COX7A2L: variants seen among roughly 807,000 people sequenced by gnomAD.
COX7A2L encodes cytochrome c oxidase subunit 7A2 like, also known as cytochrome c oxidase subunit 7A2-like, mitochondrial.
Under a neutral mutation model 14.2 loss-of-function variants are expected in COX7A2L, and 18 were observed. The observed-to-expected ratio is 1.27, with a 90% confidence interval of 0.88 to 1.88. The LOEUF (loss-of-function observed/expected upper bound fraction) is 1.88, where lower values mean the gene tolerates loss of function less well. COX7A2L is among the 40% of genes most tolerant of loss of function. The probability of loss-of-function intolerance (pLI) is 0.00; values close to 1 mark genes in which losing one functional copy is unlikely to be tolerated. For missense variants in COX7A2L, 179 were observed against 138.8 expected (o/e 1.29, Z -1.46); for synonymous variants, 65 against 57.4 (o/e 1.13, Z -0.60).
downstream of COX7A2L, among the ~76,000 whole-genome samples, chr2:42,348,333 T>C (rs1670537675): frequency 2.0e-5 from 3 of 152,102 alleles, no homozygotes; most frequent in Admixed American, 1.3e-4. Flanking sequence ...AGGCTACTTA[T>C]TAACTGCAAA....
chr2:42,351,750 G>A (rs570086787), intron 2 of COX7A2L, among the ~76,000 whole-genome samples: 1 of 152,374 alleles, frequency 6.6e-6, no homozygotes, highest in South Asian at 2.1e-4. Context: ...GAGACAGGCA[G>A]ATGGCTTGAG....
At chr2:42,348,009 A>G (rs1670532015), downstream of COX7A2L, among the ~76,000 whole-genome samples, 1 of 152,252 alleles carries the variant, frequency 6.6e-6, no homozygotes, top group African/African-American at 2.4e-5. Flanking sequence ...CAAGGTCAGC[A>G]TGGAAGCCAT....
rs187715857 is a variant in COX7A2L, at chr2:42,342,176, G to T, written c.193-8307C>A. Among the ~76,000 whole-genome samples the T allele has an allele frequency of 7.9e-5, 12 of 152,236 alleles. No individual in the cohort carries two copies. The East Asian group carries it at 1.9e-3, about 25-fold the overall frequency. On this transcript the variant is annotated intron_variant, in intron 2 of 2. Transcript: ENST00000468711. This position sits in a 1 kb window ranked among gnomAD's most constrained non-coding sequence, Gnocchi z 4.9. Reference sequence around the variant, plus strand: ...GCAACCACGCTGCCTCCATGCTTGAGCTCAGGGCTCCACACTCACAACTGA... The same window carrying T: ...GCAACCACGCTGCCTCCATGCTTGATCTCAGGGCTCCACACTCACAACTGA...
chr2:42,347,828 G>C (rs1558629148), downstream of COX7A2L, among the ~76,000 whole-genome samples: 1 of 152,188 alleles, frequency 6.6e-6, no homozygotes. Context: ...GGCTGAGGCA[G>C]GAGAACTGCT....
rs1670329200 is a variant in COX7A2L at position 42,338,360 on chromosome 2, G to C, written c.193-4491C>G. 6.6e-6 allele frequency among the ~76,000 whole-genome samples: 1 copy of C among 152,156 alleles called. No individual in the cohort carries two copies. The highest frequency in any genetic ancestry group is 2.1e-4 in the South Asian group (1 of 4,822). On this transcript the variant is annotated intron_variant, in intron 2 of 2. Coordinates refer to the COX7A2L transcript ENST00000468711. The surrounding 1 kb of genome is among the most constrained non-coding windows in gnomAD (Gnocchi z 4.4). ...TATTCAGAATTAATCAAATGGAAAG[G>C]AAGAGCAGAATTTCACTCTCTAGCA...
At chr2:42,348,998 G>GA (rs1236695742), downstream of COX7A2L, among the ~76,000 whole-genome samples, 1 of 152,082 alleles carries the variant, frequency 6.6e-6, no homozygotes, top group East Asian at 1.9e-4. Context: ...AAACAAAAAG[G>GA]AACTGCATGT....
chr2:42,363,233 C>T (rs1435959023), upstream of COX7A2L, among the ~76,000 whole-genome samples: 2 of 152,072 alleles, frequency 1.3e-5, no homozygotes, highest in Admixed American at 1.3e-4. Flanking sequence ...ACAAAAAGTT[C>T]GACTACCTCA....
chr2:42,364,865 C>T (rs2103920634), upstream of COX7A2L, among the ~76,000 whole-genome samples: 1 of 152,274 alleles, frequency 6.6e-6, no homozygotes, highest in Admixed American at 6.5e-5. Context: ...ATATTGACAT[C>T]AACTCCCTAC....
At chr2:42,368,851 G>T (rs1671216986) in intron 1 of COX7A2L, 3 of 152,172 alleles carry the variant, frequency 2.0e-5, no homozygotes, top group Admixed American at 1.3e-4. Context: ...CCAGTAAATG[G>T]TAGCTCTTAG....
intron 1 of COX7A2L, among the ~76,000 whole-genome samples, chr2:42,366,658 A>C (rs747698701): frequency 9.2e-5 from 14 of 152,266 alleles, no homozygotes; most frequent in Non-Finnish European, 1.8e-4. Flanking sequence ...ATTTTGTAAA[A>C]GTAGTAAAAC....
chr2:42,353,987 T>C (rs1007426392), intron 1 of COX7A2L, among the ~76,000 whole-genome samples: 1 of 152,024 alleles, frequency 6.6e-6, no homozygotes, highest in African/African-American at 2.4e-5. Flanking sequence ...AAGAAACCAG[T>C]CCCAAAGACC....
upstream of COX7A2L, chr2:42,361,358 G>C (rs1351167830): frequency 1.8e-6 from 1 of 560,948 alleles, no homozygotes; most frequent in African/African-American, 1.9e-5. Context: ...TCAGGACCAC[G>C]AAAGGCAAAA....
intron 2 of COX7A2L, among the ~76,000 whole-genome samples, chr2:42,352,361 G>A (rs947883174): frequency 1.3e-5 from 2 of 151,998 alleles, no homozygotes; most frequent in East Asian, 3.9e-4. Flanking sequence ...GCAGGGTCTC[G>A]TTATGCTGCC....
upstream of COX7A2L, among the ~76,000 whole-genome samples, chr2:42,363,500 T>A (rs1490557546): frequency 2.0e-5 from 3 of 152,198 alleles, no homozygotes; most frequent in African/African-American, 7.2e-5. Flanking sequence ...TTTCTTAAAG[T>A]TCCTGCCATC....
chr2:42,349,971 G>A lies in COX7A2L; in HGVS notation c.*1248C>T, dbSNP rs1670586754. ...TGATCTAAGTGAAGGATATACAGGT[G>A]TATATTGTACTATGCTTAGTCCTTC... On this transcript the variant is annotated 3_prime_UTR_variant, in exon 3 of 3. Coordinates refer to ENST00000234301, the MANE Select transcript of COX7A2L (RefSeq NM_004718.4). 1 of 152,092 alleles carries A rather than the reference G, an allele frequency of 6.6e-6. No individual in the cohort carries two copies. The highest frequency in any genetic ancestry group is 1.5e-5 in the Non-Finnish European group (1 of 68,012). 9.4% of individuals were successfully genotyped at this position (152,092 alleles called of 1,614,324 possible). A position where few individuals can be genotyped will look rare whatever the true frequency, so the allele number is the denominator to read the frequency against.
At chr2:42,344,986 T>A (rs1416364981), downstream of COX7A2L, among the ~76,000 whole-genome samples, 2 of 152,228 alleles carry the variant, frequency 1.3e-5, no homozygotes, top group African/African-American at 2.4e-5. Flanking sequence ...ATATAAGCAC[T>A]GAAAAACCTT....
chr2:42,363,195 T>C (rs1427532180), upstream of COX7A2L, among the ~76,000 whole-genome samples: 1 of 152,158 alleles, frequency 6.6e-6, no homozygotes, highest in Non-Finnish European at 1.5e-5. Context: ...GTTTTGATAC[T>C]GAATAGATTC....
At chr2:42,365,262 C>G (rs1025387098), upstream of COX7A2L, among the ~76,000 whole-genome samples, 3 of 152,194 alleles carry the variant, frequency 2.0e-5, no homozygotes, top group African/African-American at 7.2e-5. Flanking sequence ...CTCTACCTCA[C>G]ATACATCTGC....
downstream of COX7A2L, among the ~76,000 whole-genome samples, chr2:42,346,701 A>C (rs1239386764): frequency 6.6e-6 from 1 of 151,924 alleles, no homozygotes; most frequent in Non-Finnish European, 1.5e-5. Flanking sequence ...TCAAGACTAC[A>C]GTGAGCCAGT....
Sources: gnomAD v4.1 joint callset for allele counts (sites outside exome capture counted in the v4.1 genomes callset) on GRCh38, gnomAD v4.1.1 for gene constraint, Gnocchi (gnomAD v3.1) non-coding constraint, MANE v1.5 for transcripts, NCBI Gene and HGNC (gene_info 2026-07-23, HGNC 2026-07-21) for gene names.